The following VSTM5 variants were observed in gnomAD, a reference collection of about 807,000 sequenced individuals.
VSTM5 encodes V-set and transmembrane domain containing 5.
Under a neutral mutation model 20.3 loss-of-function variants are expected in VSTM5, and 21 were observed. That is an observed-to-expected ratio of 1.03 (90% CI 0.73 to 1.49). The LOEUF (loss-of-function observed/expected upper bound fraction) is 1.49. Among genes scored for constraint, VSTM5 ranks in the 40% most tolerant of loss-of-function variants. The pLI is 0.00. For missense variants in VSTM5, 219 were observed against 250.0 expected (o/e 0.88, Z 0.84); for synonymous variants, 100 against 102.5 (o/e 0.98, Z 0.14).
chr11:93,836,646 G>A (rs1944325298), intron 1 of VSTM5, among the ~76,000 whole-genome samples: 1 of 152,228 alleles, frequency 6.6e-6, no homozygotes, highest in Non-Finnish European at 1.5e-5. Flanking sequence ...GGCTAGGTCA[G>A]GTCTCTTCTT....
intron 1 of VSTM5, among the ~76,000 whole-genome samples, chr11:93,842,380 C>A (rs760563874): frequency 2.0e-5 from 3 of 152,176 alleles, no homozygotes; most frequent in Non-Finnish European, 4.4e-5. Context: ...GACTGGGCGA[C>A]CTGAAATTCT....
intron 1 of VSTM5, among the ~76,000 whole-genome samples, chr11:93,840,606 T>C (rs1944362808): frequency 6.6e-6 from 1 of 152,194 alleles, no homozygotes; most frequent in African/African-American, 2.4e-5. Context: ...GTCCTATTTC[T>C]AGGGATGCTC....
rs77736659 is a variant in VSTM5 at position 93,820,705 on chromosome 11, A to G, written c.559+38T>C. 5.1e-3 allele frequency: 7,948 copies of G among 1,551,596 alleles called. 319 individuals are homozygous for G. The African/African-American group carries it at 0.091, about 18-fold the overall frequency. On this transcript the variant is annotated intron_variant, in intron 3 of 3. Coordinates refer to ENST00000409977, the MANE Select transcript of VSTM5 (RefSeq NM_001144871.2). The stretch of plus-strand genomic sequence containing the variant: ...ATAACACATGCCACCTCTGGCCTCA[A>G]AACCACTCATGGATTATCACAAGGC...
intron 1 of VSTM5, among the ~76,000 whole-genome samples, chr11:93,825,722 G>A (rs1180478743): frequency 6.6e-6 from 1 of 151,014 alleles, no homozygotes; most frequent in Non-Finnish European, 1.5e-5. Context: ...TATTGTAAAT[G>A]GGACAGGTTT....
chr11:93,843,620 G>A (rs562208383), intron 1 of VSTM5, among the ~76,000 whole-genome samples: 1 of 152,134 alleles, frequency 6.6e-6, no homozygotes, highest in African/African-American at 2.4e-5. Context: ...GTCATGAAGT[G>A]CTTGGTAAGC....
chr11:93,831,058 A>AGTTTTTT (rs1415119469), intron 1 of VSTM5, among the ~76,000 whole-genome samples: 1 of 151,518 alleles, frequency 6.6e-6, no homozygotes, highest in Non-Finnish European at 1.5e-5. Flanking sequence ...CACGCCTGGT[A>AGTTTTTT]GTTTTTTGTT....
At chr11:93,829,511 A>C (rs1429809064) in intron 1 of VSTM5, among the ~76,000 whole-genome samples, 1 of 152,238 alleles carries the variant, frequency 6.6e-6, no homozygotes, top group African/African-American at 2.4e-5. Context: ...CCTGGGCAAC[A>C]GAGTGAGACT....
intron 1 of VSTM5, among the ~76,000 whole-genome samples, chr11:93,843,816 A>T (rs2135739618): frequency 6.6e-6 from 1 of 152,156 alleles, no homozygotes; most frequent in East Asian, 1.9e-4. Flanking sequence ...TTTTCCATCT[A>T]CATCTCCTAT....
At chr11:93,834,406 C>G (rs1011442636) in intron 1 of VSTM5, among the ~76,000 whole-genome samples, 5 of 152,172 alleles carry the variant, frequency 3.3e-5, no homozygotes, top group Non-Finnish European at 7.3e-5. Flanking sequence ...TCTCTGGTTG[C>G]TGCTTCTCAG....
chr11:93,850,374 C>A, intron 1 of VSTM5, 38 bp downstream of exon 1: 1 of 1,538,380 alleles, frequency 6.5e-7, no homozygotes, highest in Non-Finnish European at 8.8e-7. Flanking sequence ...CTACCCATTC[C>A]CGCTCCCCCA....
chr11:93,832,731 G>A (rs1166402335), intron 1 of VSTM5, among the ~76,000 whole-genome samples: 1 of 152,132 alleles, frequency 6.6e-6, no homozygotes. Flanking sequence ...TCCCTTCCCG[G>A]GCACTTGCTT....
rs1442549314 is a variant in VSTM5, at chr11:93,821,213, T to C, written c.202A>G (p.Thr68Ala). 3 of 1,552,116 alleles carry C rather than the reference T, an allele frequency of 1.9e-6. No individual in the cohort carries two copies. The highest frequency in any genetic ancestry group is 2.6e-6 in the Non-Finnish European group (3 of 1,147,090). The change falls in exon 2 of 4, where the codon ACA becomes GCA. Residue 68 changes from threonine (T) to alanine (A), a missense_variant. Coordinates refer to ENST00000409977, the MANE Select transcript of VSTM5 (RefSeq NM_001144871.2). ...TGCGTTCCCCAATTGGATGAATATG[T>C]CCATTCGATGGTGGGCACTCCATGA... ...SCHGVPTIEWTYSSNWGTQKI... is the reference protein window; with the variant it reads ...SCHGVPTIEWAYSSNWGTQKI...
At chr11:93,836,819 C>T (rs995188008) in intron 1 of VSTM5, among the ~76,000 whole-genome samples, 2 of 152,096 alleles carry the variant, frequency 1.3e-5, no homozygotes, top group Non-Finnish European at 2.9e-5. Flanking sequence ...TGCAGAGTAC[C>T]TGGAACATGG....
chr11:93,838,129 C>A (rs1219315358), intron 1 of VSTM5, among the ~76,000 whole-genome samples: 1 of 152,208 alleles, frequency 6.6e-6, no homozygotes, highest in East Asian at 1.9e-4. Context: ...CGACTCTGCA[C>A]AAACCCCTTC....
At chr11:93,837,954 C>T (rs1944337371) in intron 1 of VSTM5, among the ~76,000 whole-genome samples, 1 of 143,778 alleles carries the variant, frequency 7.0e-6, no homozygotes, top group Non-Finnish European at 1.5e-5. Context: ...AAGAGATCTG[C>T]TGGTGGGTGC....
chr11:93,850,565 G>T lies in VSTM5; in HGVS notation c.-63C>A. 8.1e-7 allele frequency: 1 copy of T among 1,237,040 alleles called. No homozygotes were observed. Among genetic ancestry groups the T allele is most frequent in the Non-Finnish European group, 1.1e-6 (1 of 906,404 alleles). The allele number at this position is 1,237,040 out of a possible 1,614,324, so 76.6% of individuals were successfully genotyped here. A position where few individuals can be genotyped will look rare whatever the true frequency, so the allele number is the denominator to read the frequency against. ...GGCCGCACCGCGCTGCAGCTCCTAT[G>T]CAGCCTTCTCTCTTCCTCCGCCTCT... On this transcript the variant is annotated 5_prime_UTR_variant, in exon 1 of 4. Transcript: ENST00000409977.
rs567929791 is a variant in VSTM5, at chr11:93,821,127, T to A, written c.288A>T (p.Arg96Ser). The A allele has an allele frequency of 4.5e-6, 7 of 1,552,108 alleles. No homozygotes were observed. In the Admixed American group the frequency reaches 5.9e-5, roughly 13 times the overall value. The part of the protein sequence containing the change: ...QANISQSHKD[R>S]VCTFDNGSIQ... ...TGGAGCCGTTGTCAAAGGTGCAGAC[T>A]CTGTCCTTGTGGCTTTGAGAGATGT... The change falls in exon 2 of 4, where the codon AGA becomes AGT. Residue 96 changes from arginine to serine, a missense_variant. Physicochemically the swap from Arg to Ser is moderately radical, Grantham distance 110. Coordinates refer to ENST00000409977, the MANE Select transcript of VSTM5 (RefSeq NM_001144871.2).
chr11:93,845,503 G>C (rs1272902794), intron 1 of VSTM5, among the ~76,000 whole-genome samples: 1 of 152,162 alleles, frequency 6.6e-6, no homozygotes, highest in African/African-American at 2.4e-5. Flanking sequence ...AAGGATGACG[G>C]GTAACTTCCC....
At chr11:93,846,698 A>C (rs1338445142) in intron 1 of VSTM5, among the ~76,000 whole-genome samples, 1 of 152,236 alleles carries the variant, frequency 6.6e-6, no homozygotes, top group Non-Finnish European at 1.5e-5. Flanking sequence ...AGCTAAAAAA[A>C]ATTGGTGTAA....
Sources: gnomAD v4.1 joint callset for allele counts (sites outside exome capture counted in the v4.1 genomes callset) on GRCh38, gnomAD v4.1.1 for gene constraint, MANE v1.5 for transcripts, NCBI Gene and HGNC (gene_info 2026-07-23, HGNC 2026-07-21) for gene names.